The following BRINP3 variants were observed in gnomAD, a reference collection of about 807,000 sequenced individuals.
BRINP3 encodes BMP/retinoic acid-inducible neural-specific protein 3.
BRINP3 carries 19 observed loss-of-function variants against 71.0 expected under a neutral mutation model. The observed-to-expected ratio is 0.27, with a 90% CI of 0.19 to 0.39. The LOEUF (loss-of-function observed/expected upper bound fraction) is 0.39. Ranked by LOEUF, BRINP3 falls within the 10% of genes least tolerant of loss-of-function variation. BRINP3 has a pLI of 1.00. For missense variants in BRINP3, 959 were observed against 940.8 expected (o/e 1.02, Z -0.25); for synonymous variants, 380 against 337.7 (o/e 1.13, Z -1.37).
At chr1:190,232,434 G>C (rs1658082786) in intron 5 of BRINP3, among the ~76,000 whole-genome samples, 1 of 152,034 alleles carries the variant, frequency 6.6e-6, no homozygotes, top group Admixed American at 6.6e-5. Flanking sequence ...ATTTAAGAAA[G>C]AGTGCATGAA....
chr1:190,294,586 G>A (rs755496959), intron 2 of BRINP3, among the ~76,000 whole-genome samples: 2 of 152,090 alleles, frequency 1.3e-5, no homozygotes, highest in East Asian at 1.9e-4. Context: ...TGGCTGAGAG[G>A]GCAAACCTCA....
At chr1:190,351,726 G>C (rs1668399200) in intron 2 of BRINP3, among the ~76,000 whole-genome samples, 1 of 152,052 alleles carries the variant, frequency 6.6e-6, no homozygotes, top group Non-Finnish European at 1.5e-5. Context: ...TTTGGTTGAA[G>C]AGTTTTTAAA....
At chr1:190,311,231 G>C (rs1430949963) in intron 2 of BRINP3, among the ~76,000 whole-genome samples, 1 of 151,570 alleles carries the variant, frequency 6.6e-6, no homozygotes, top group Non-Finnish European at 1.5e-5. Flanking sequence ...TATCAAGAAA[G>C]GCTTCATAGA....
chr1:190,135,451 G>T (rs763098112), intron 7 of BRINP3, among the ~76,000 whole-genome samples: 12 of 152,066 alleles, frequency 7.9e-5, no homozygotes, highest in Middle Eastern at 3.4e-3. Flanking sequence ...TTAATATAGT[G>T]GTTATACTTA....
chr1:190,378,257 A>G (rs1027549521), intron 2 of BRINP3, among the ~76,000 whole-genome samples: 1 of 152,172 alleles, frequency 6.6e-6, no homozygotes, highest in Non-Finnish European at 1.5e-5. Context: ...TCTCTGAAAG[A>G]CTTCCATCAC....
At chr1:190,270,856 T>A (rs34545805) in intron 3 of BRINP3, among the ~76,000 whole-genome samples, 60,668 of 151,402 alleles carry the variant, frequency 0.4, 13,095 homozygotes, top group Non-Finnish European at 0.49. Flanking sequence ...TGAAGAAGCA[T>A]CCAAGATCAA....
chr1:190,308,651 A>T (rs1204550100), intron 2 of BRINP3, among the ~76,000 whole-genome samples: 5 of 151,970 alleles, frequency 3.3e-5, no homozygotes, highest in Admixed American at 6.6e-5. Context: ...ATAATAATAA[A>T]AAAAGGATTG....
chr1:190,121,488 A>G (rs756167593), intron 7 of BRINP3, among the ~76,000 whole-genome samples: 7 of 152,218 alleles, frequency 4.6e-5, no homozygotes, highest in Non-Finnish European at 1.0e-4. Context: ...CAATTTGCTA[A>G]CAATGTGCTA....
At chr1:190,279,590 T>C (rs1231873177) in intron 3 of BRINP3, among the ~76,000 whole-genome samples, 2 of 151,842 alleles carry the variant, frequency 1.3e-5, no homozygotes, top group East Asian at 1.9e-4. Flanking sequence ...GGAGAAATAG[T>C]GTGTATTTAC....
intron 2 of BRINP3, among the ~76,000 whole-genome samples, chr1:190,438,720 A>G (rs546469168): frequency 6.6e-6 from 1 of 152,000 alleles, no homozygotes; most frequent in Admixed American, 6.6e-5. Context: ...TCAAGCAAAA[A>G]TGCAAAGGTG....
intron 4 of BRINP3, among the ~76,000 whole-genome samples, chr1:190,251,558 A>G (rs1208629150): frequency 1.3e-5 from 2 of 151,902 alleles, no homozygotes; most frequent in Non-Finnish European, 2.9e-5. Flanking sequence ...TGCTGAACCA[A>G]GGGGTATGTA....
intron 7 of BRINP3, among the ~76,000 whole-genome samples, chr1:190,152,938 A>G (rs181838724): frequency 6.6e-6 from 1 of 151,968 alleles, no homozygotes; most frequent in Admixed American, 6.6e-5. Flanking sequence ...CTAAGATATA[A>G]TAAAGTGAAA....
chr1:190,181,296 C>T (rs185467395), intron 6 of BRINP3, among the ~76,000 whole-genome samples: 190 of 152,044 alleles, frequency 1.2e-3, no homozygotes, highest in Non-Finnish European at 2.0e-3. Flanking sequence ...ATGTGCAATA[C>T]ACTTTGTGTA....
intron 7 of BRINP3, among the ~76,000 whole-genome samples, chr1:190,153,592 A>G (rs1656607022): frequency 6.6e-6 from 1 of 152,228 alleles, no homozygotes; most frequent in Admixed American, 6.6e-5. Flanking sequence ...AGTGTAAGAA[A>G]AAACTAATAT....
intron 6 of BRINP3, among the ~76,000 whole-genome samples, chr1:190,171,437 C>A (rs570220083): frequency 6.6e-6 from 1 of 152,094 alleles, no homozygotes; most frequent in South Asian, 2.1e-4. Context: ...TCTTGTAGGC[C>A]AATTGTTAAT....
At chr1:190,374,496 G>A (rs538478416) in intron 2 of BRINP3, among the ~76,000 whole-genome samples, 2 of 152,150 alleles carry the variant, frequency 1.3e-5, no homozygotes, top group East Asian at 3.9e-4. Flanking sequence ...TAAAAAGGAG[G>A]CATCAAAAAT....
At chr1:190,439,603 T>TA (rs2102549772) in intron 2 of BRINP3, among the ~76,000 whole-genome samples, 1 of 151,826 alleles carries the variant, frequency 6.6e-6, no homozygotes, top group African/African-American at 2.4e-5. Flanking sequence ...TGTGGTGATC[T>TA]AATTAAGGGG....
intron 1 of BRINP3, among the ~76,000 whole-genome samples, chr1:190,467,385 A>C (rs1399002236): frequency 6.6e-6 from 1 of 151,594 alleles, no homozygotes; most frequent in Non-Finnish European, 1.5e-5. Flanking sequence ...TCAAAAACAG[A>C]AGTGATCGAC....
chr1:190,343,508 C>T (rs555954966), intron 2 of BRINP3, among the ~76,000 whole-genome samples: 1 of 151,784 alleles, frequency 6.6e-6, no homozygotes, highest in South Asian at 2.1e-4. Flanking sequence ...GCATTCTGCA[C>T]AGGTATTATA....
Sources: allele counts gnomAD v4.1 joint callset (sites outside exome capture counted in the v4.1 genomes callset), GRCh38; gene constraint gnomAD v4.1.1; transcripts MANE v1.5; gene names NCBI Gene and HGNC (gene_info 2026-07-23, HGNC 2026-07-21).